Variants in PIK3C2G observed in about 807,000 individuals in gnomAD.
PIK3C2G encodes phosphatidylinositol 3-kinase C2 domain-containing subunit gamma.
A neutral mutation model predicts 181.1 loss-of-function variants in PIK3C2G; 168 were observed. That is an observed-to-expected ratio of 0.93 (90% confidence interval 0.82 to 1.05). The LOEUF (loss-of-function observed/expected upper bound fraction) is 1.05, where lower values mean the gene tolerates loss of function less well. Among genes scored for constraint, PIK3C2G ranks in the 50% least tolerant of loss-of-function variants. The pLI, the probability that PIK3C2G is intolerant of heterozygous loss-of-function variation, is 0.00. For missense variants in PIK3C2G, 1,869 were observed against 1,732.8 expected, an observed-to-expected ratio of 1.08 and a Z score of -1.40; for synonymous variants, 573 against 592.2, an observed-to-expected ratio of 0.97 and a Z score of 0.47.
intron 12 of PIK3C2G, among the ~76,000 whole-genome samples, chr12:18,370,197 C>CA (rs1941948267): frequency 6.6e-6 from 1 of 152,174 alleles, no homozygotes; most frequent in African/African-American, 2.4e-5. Context: ...AACTTTCTGT[C>CA]AAAAGCCCCT....
the PIK3C2G span, among the ~76,000 whole-genome samples, chr12:18,663,116 T>C: frequency 1.3e-5 from 2 of 152,012 alleles, no homozygotes; most frequent in African/African-American, 4.8e-5. Flanking sequence ...ACAATGAATA[T>C]TATACTCAAT....
chr12:18,408,861 A>G lies in PIK3C2G; in HGVS notation c.2315+9014A>G, dbSNP rs186333095. Among the ~76,000 whole-genome samples the G allele has an allele frequency of 7.0e-3, 1,065 of 152,222 alleles. 6 individuals carry two copies. The highest frequency in any genetic ancestry group is 0.019 in the African/African-American group (778 of 41,554). On this transcript the variant is annotated intron_variant, in intron 16 of 32. Transcript: ENST00000538779. Reference sequence around the variant, plus strand: ...AACCATAATGAGATACCATCTCAGGACAGTTAGAATGGCGATCATTAAAAA... The same window carrying G: ...AACCATAATGAGATACCATCTCAGGGCAGTTAGAATGGCGATCATTAAAAA...
At chr12:18,565,564 A>T (rs1262902512) in intron 28 of PIK3C2G, among the ~76,000 whole-genome samples, 1 of 152,156 alleles carries the variant, frequency 6.6e-6, no homozygotes, top group Non-Finnish European at 1.5e-5. Context: ...TCTTTGTCAG[A>T]TGTTTTCTAA....
intron 29 of PIK3C2G, among the ~76,000 whole-genome samples, chr12:18,592,869 G>T (rs554447684): frequency 6.6e-6 from 1 of 151,954 alleles, no homozygotes; most frequent in South Asian, 2.1e-4. Flanking sequence ...ACAGGTAAAG[G>T]GTTCAGCATT....
At chr12:18,252,384 G>A (rs943558022) in intron 1 of PIK3C2G, among the ~76,000 whole-genome samples, 1 of 152,098 alleles carries the variant, frequency 6.6e-6, no homozygotes, top group Admixed American at 6.6e-5. Context: ...AATAATATAT[G>A]ACAATAATGT....
Position 18,282,522 on chromosome 12 carries a change from AT to A in PIK3C2G, c.443del (p.Phe148SerfsTer9). The A allele has an allele frequency of 6.2e-7, 1 of 1,611,096 alleles. No individual in the cohort carries two copies. Among genetic ancestry groups the A allele is most frequent in the East Asian group, 2.2e-5 (1 of 44,854 alleles). Reference sequence around the variant, plus strand: ...CCAGATTCAGTATTTTAGCTCCATCATTCACAAGTTTGGATAAAATTAATCT... The same window carrying A: ...CCAGATTCAGTATTTTAGCTCCATCATCACAAGTTTGGATAAAATTAATCT... ...DSRFSILAPS[F>X]TSLDKINLEK... On this transcript the variant is annotated frameshift_variant, in exon 2 of 33. Coordinates refer to ENST00000538779, the MANE Select transcript of PIK3C2G (RefSeq NM_001288772.2). LOFTEE classifies it high-confidence loss of function.
intron 31 of PIK3C2G, among the ~76,000 whole-genome samples, chr12:18,622,692 T>G (rs76105820): frequency 0.092 from 13,991 of 151,944 alleles, 848 homozygotes; most frequent in Non-Finnish European, 0.14. Context: ...AGGGTTCCCT[T>G]TTCTCCACAT....
chr12:18,441,048 T>C (rs1172532452), intron 18 of PIK3C2G, among the ~76,000 whole-genome samples: 1 of 151,876 alleles, frequency 6.6e-6, no homozygotes, highest in Non-Finnish European at 1.5e-5. Flanking sequence ...AGAGATAAAG[T>C]AGAACCAAAA....
At chr12:18,601,754 A>G (rs1419291545) in intron 30 of PIK3C2G, among the ~76,000 whole-genome samples, 9 of 152,188 alleles carry the variant, frequency 5.9e-5, no homozygotes, top group Admixed American at 5.9e-4. Context: ...ATACAACAAC[A>G]AAAAACGTCC....
At chr12:18,700,538 A>G in the PIK3C2G span, among the ~76,000 whole-genome samples, 108,051 of 135,152 alleles carry the variant, frequency 0.8, 44,117 homozygotes, top group East Asian at 0.98. Flanking sequence ...AAAAAAAAAT[A>G]GTTGCTCTGC....
At chr12:18,696,348 A>ATATAGATATATATATATATATATATC in the PIK3C2G span, 1 of 214,170 alleles carries the variant, frequency 4.7e-6, no homozygotes, top group Non-Finnish European at 8.0e-6. Context: ...ATATATATAT[A>ATATAGATATATATATATATATATATC]TATCATATAA....
At position 18,420,988 on chromosome 12, in the gene PIK3C2G, A is replaced by T. The variant is rs1470616139; in HGVS notation, c.2363A>T (p.Asn788Ile). The part of the protein sequence containing the change: ...IRKVAVQQLD[N>I]LLNDELLEYL... ...AAAGTGGCAGTTCAACAATTAGACAACCTCTTGAATGATGAACTACTGGAA... is the reference window on the plus strand; with the variant it reads ...AAAGTGGCAGTTCAACAATTAGACATCCTCTTGAATGATGAACTACTGGAA... The change falls in exon 17 of 33, where the codon AAC becomes ATC. Residue 788 changes from asparagine to isoleucine, a missense_variant. Physicochemically the swap from Asn to Ile is moderately radical, Grantham distance 149. Coordinates refer to ENST00000538779, the MANE Select transcript of PIK3C2G (RefSeq NM_001288772.2). 1 of 1,607,356 alleles carries T rather than the reference A, an allele frequency of 6.2e-7. No homozygotes were observed. The highest frequency in any genetic ancestry group is 1.3e-5 in the African/African-American group (1 of 74,856).
At chr12:18,606,342 T>C (rs1417298829) in intron 30 of PIK3C2G, among the ~76,000 whole-genome samples, 1 of 152,160 alleles carries the variant, frequency 6.6e-6, no homozygotes, top group Non-Finnish European at 1.5e-5. Context: ...AATATAATGT[T>C]CGTTGTGCCT....
At chr12:18,600,644 G>A (rs1426462407) in intron 30 of PIK3C2G, among the ~76,000 whole-genome samples, 2 of 151,914 alleles carry the variant, frequency 1.3e-5, no homozygotes, top group Non-Finnish European at 2.9e-5. Flanking sequence ...ATAGAAAGAT[G>A]AAATTATAGT....
chr12:18,352,321 TGAAACAGGACAGTTCCC>T (rs1350332301), intron 11 of PIK3C2G, among the ~76,000 whole-genome samples: 1 of 152,350 alleles, frequency 6.6e-6, no homozygotes, highest in Admixed American at 6.5e-5. Context: ...GAGTTGATTC[TGAAACAGGACAGTTCCC>T]GTGACCCTTC....
At chr12:18,598,538 T>C (rs1037118298) in intron 30 of PIK3C2G, among the ~76,000 whole-genome samples, 3 of 151,600 alleles carry the variant, frequency 2.0e-5, no homozygotes, top group Admixed American at 2.0e-4. Flanking sequence ...CCTAAAACCA[T>C]AAAACCCTAG....
chr12:18,637,514 G>C (rs1449855122), intron 31 of PIK3C2G, among the ~76,000 whole-genome samples: 1 of 151,866 alleles, frequency 6.6e-6, no homozygotes, highest in East Asian at 1.9e-4. Context: ...GAATCAGACT[G>C]TTCTGATAGC....
intron 24 of PIK3C2G, among the ~76,000 whole-genome samples, chr12:18,536,696 G>T (rs185724901): frequency 6.8e-6 from 1 of 145,986 alleles, no homozygotes; most frequent in Admixed American, 6.7e-5. Flanking sequence ...TCCAGAATTA[G>T]AACCTATGCT....
At chr12:18,641,873 C>T (rs1236877426) in intron 32 of PIK3C2G, among the ~76,000 whole-genome samples, 1 of 151,646 alleles carries the variant, frequency 6.6e-6, no homozygotes, top group Non-Finnish European at 1.5e-5. Flanking sequence ...TTTAAGCCAC[C>T]CGAGTAACTG....
Sources: gnomAD v4.1 joint callset for allele counts (sites outside exome capture counted in the v4.1 genomes callset) on GRCh38, gnomAD v4.1.1 for gene constraint, MANE v1.5 for transcripts, NCBI Gene and HGNC (gene_info 2026-07-23, HGNC 2026-07-21) for gene names.